The following MIS18A variants were observed in gnomAD, a reference collection of about 807,000 sequenced individuals.
MIS18A encodes the protein protein Mis18-alpha.
Under a neutral mutation model 25.0 loss-of-function variants are expected in MIS18A, and 14 were observed. The ratio of observed to expected loss-of-function variants is 0.56; its 90% CI spans 0.37 to 0.88. The LOEUF is 0.88. MIS18A is among the 40% of genes least tolerant of loss of function. The pLI is 0.00. For synonymous variants in MIS18A, 134 were observed against 118.6 expected (o/e 1.13, Z -0.84); for missense variants, 292 against 290.8 (o/e 1.00, Z -0.03).
At chr21:32,222,067 T>A in the MIS18A span, among the ~76,000 whole-genome samples, 31 of 151,006 alleles carry the variant, frequency 2.1e-4, no homozygotes, top group African/African-American at 7.6e-4. Context: ...CAAAGACACA[T>A]ATAGGCTCAA....
At chr21:32,176,741 T>C in the MIS18A span, among the ~76,000 whole-genome samples, 1 of 150,940 alleles carries the variant, frequency 6.6e-6, no homozygotes, top group Non-Finnish European at 1.5e-5. Flanking sequence ...ATTAACAACA[T>C]AGAAGAAAAG....
the MIS18A span, among the ~76,000 whole-genome samples, chr21:32,252,299 GGAA>G: frequency 6.8e-6 from 1 of 146,598 alleles, no homozygotes; most frequent in African/African-American, 2.5e-5. Flanking sequence ...AAGAGGAGGA[GGAA>G]AAGAAAGAGT....
At chr21:32,168,899 A>G in the MIS18A span, among the ~76,000 whole-genome samples, 5 of 152,194 alleles carry the variant, frequency 3.3e-5, no homozygotes, top group African/African-American at 1.2e-4. Context: ...AATCAGTGTA[A>G]ACAATCTACA....
At chr21:32,273,130 T>C (rs952217569) in intron 2 of MIS18A, among the ~76,000 whole-genome samples, 5 of 151,262 alleles carry the variant, frequency 3.3e-5, no homozygotes, top group African/African-American at 9.7e-5. Flanking sequence ...TTTTTTTTTT[T>C]CACTTTTATG....
the MIS18A span, among the ~76,000 whole-genome samples, chr21:32,194,140 G>C: frequency 3.3e-5 from 5 of 152,126 alleles, no homozygotes; most frequent in East Asian, 9.6e-4. Context: ...CCTGGAAGTT[G>C]GAGGACCCAC....
the MIS18A span, among the ~76,000 whole-genome samples, chr21:32,232,327 TATAG>T: frequency 2.6e-5 from 4 of 151,640 alleles, no homozygotes; most frequent in African/African-American, 9.7e-5. Flanking sequence ...GATATAGCTA[TATAG>T]ATAAATATAT....
the MIS18A span, among the ~76,000 whole-genome samples, chr21:32,199,069 T>A: frequency 6.6e-6 from 1 of 152,186 alleles, no homozygotes; most frequent in Non-Finnish European, 1.5e-5. Context: ...TGGATTGGGA[T>A]TTGCAGCAAG....
chr21:32,160,940 C>A, the MIS18A span, among the ~76,000 whole-genome samples: 1 of 152,142 alleles, frequency 6.6e-6, no homozygotes, highest in African/African-American at 2.4e-5. Context: ...CAGTTGCATT[C>A]TTTTGAGTGT....
the MIS18A span, chr21:32,261,131 C>T: frequency 3.9e-5 from 6 of 152,170 alleles, no homozygotes; most frequent in African/African-American, 9.7e-5. Context: ...GTTACTTTAC[C>T]GACATTTTAC....
the MIS18A span, among the ~76,000 whole-genome samples, chr21:32,191,963 A>T: frequency 3.9e-5 from 6 of 152,078 alleles, no homozygotes. Context: ...AAAGAAAATT[A>T]TCTCCCCTTA....
the MIS18A span, among the ~76,000 whole-genome samples, chr21:32,213,913 G>A: frequency 6.6e-6 from 1 of 152,146 alleles, no homozygotes; most frequent in African/African-American, 2.4e-5. Flanking sequence ...GGTTACATTG[G>A]GATCTTGGGT....
chr21:32,216,402 C>A, the MIS18A span, among the ~76,000 whole-genome samples: 1 of 152,144 alleles, frequency 6.6e-6, no homozygotes, highest in African/African-American at 2.4e-5. Flanking sequence ...CCTGGAAGAC[C>A]CCACCAACAA....
chr21:32,161,513 C>T, the MIS18A span, among the ~76,000 whole-genome samples: 47 of 147,596 alleles, frequency 3.2e-4, no homozygotes, highest in East Asian at 9.0e-3. Flanking sequence ...GTTTTTGAGA[C>T]GGAGTGTCAC....
chr21:32,189,359 GC>G, the MIS18A span, among the ~76,000 whole-genome samples: 1 of 152,172 alleles, frequency 6.6e-6, no homozygotes, highest in African/African-American at 2.4e-5. Context: ...GCTCACTGCA[GC>G]CTTGACCTCC....
chr21:32,178,252 A>T, the MIS18A span, among the ~76,000 whole-genome samples: 2 of 152,174 alleles, frequency 1.3e-5, no homozygotes, highest in Middle Eastern at 6.3e-3. Context: ...TGGAAATTAA[A>T]AAAACTGTTC....
At chr21:32,219,309 G>A in the MIS18A span, among the ~76,000 whole-genome samples, 1 of 152,120 alleles carries the variant, frequency 6.6e-6, no homozygotes, top group Non-Finnish European at 1.5e-5. Context: ...TTACACAGTG[G>A]GTGCAGCCCA....
At chr21:32,156,721 CG>C in the MIS18A span, among the ~76,000 whole-genome samples, 2 of 151,986 alleles carry the variant, frequency 1.3e-5, no homozygotes, top group East Asian at 1.9e-4. Context: ...GGGTTTCCAG[CG>C]GGGGGTTGCA....
chr21:32,193,534 C>T, the MIS18A span, among the ~76,000 whole-genome samples: 629 of 151,654 alleles, frequency 4.1e-3, no homozygotes, highest in Admixed American at 6.8e-3. Flanking sequence ...ATAGATCGAT[C>T]GATCTAATCG....
chr21:32,193,518 AGATG>A, the MIS18A span, among the ~76,000 whole-genome samples: 1,396 of 96,904 alleles, frequency 0.014, 26 homozygotes, highest in African/African-American at 0.048. Flanking sequence ...ATAGATAGAT[AGATG>A]GATAGATCGA....
Sources: gnomAD v4.1 joint callset for allele counts (sites outside exome capture counted in the v4.1 genomes callset) on GRCh38, gnomAD v4.1.1 for gene constraint, MANE v1.5 for transcripts, NCBI Gene and HGNC (gene_info 2026-07-23, HGNC 2026-07-21) for gene names.